The following POU2AF2 variants were observed in gnomAD, a reference collection of about 807,000 sequenced individuals.
The protein encoded by POU2AF2 is POU domain class 2-associating factor 2.
At chr11:111,284,259 C>CCTA in the POU2AF2 span, 2 of 1,614,194 alleles carry the variant, frequency 1.2e-6, no homozygotes, top group Admixed American at 1.7e-5. Context: ...CCCCAGGAGC[C>CCTA]CTACGGAGAC....
the POU2AF2 span, among the ~76,000 whole-genome samples, chr11:111,283,868 C>T: frequency 6.6e-6 from 1 of 152,148 alleles, no homozygotes; most frequent in Non-Finnish European, 1.5e-5. Flanking sequence ...GAACTCACCC[C>T]TAAAGGCGAC....
At chr11:111,270,239 CA>C in the POU2AF2 span, among the ~76,000 whole-genome samples, 1 of 152,038 alleles carries the variant, frequency 6.6e-6, no homozygotes, top group Admixed American at 6.5e-5. Context: ...TAATGAATAC[CA>C]AAATTTGTTA....
the POU2AF2 span, chr11:111,283,995 C>T: frequency 2.3e-6 from 3 of 1,310,958 alleles, no homozygotes; most frequent in Non-Finnish European, 1.1e-6. Flanking sequence ...CATCGTTTCC[C>T]AGGCAGAGAC....
At chr11:111,278,879 T>C in the POU2AF2 span, among the ~76,000 whole-genome samples, 1 of 152,198 alleles carries the variant, frequency 6.6e-6, no homozygotes, top group South Asian at 2.1e-4. Context: ...AAAGAAGAAA[T>C]GGGTTTCCTC....
At chr11:111,247,203 G>GAGAGAGAGAGAGAA in the POU2AF2 span, among the ~76,000 whole-genome samples, 1 of 151,918 alleles carries the variant, frequency 6.6e-6, no homozygotes, top group African/African-American at 2.4e-5. Flanking sequence ...GAGAGAGAGA[G>GAGAGAGAGAGAGAA]AGAGAGAGAG....
the POU2AF2 span, chr11:111,281,506 T>C: frequency 6.4e-7 from 1 of 1,550,770 alleles, no homozygotes. Flanking sequence ...TGGGCTTCCA[T>C]TCTTTCATAA....
the POU2AF2 span, among the ~76,000 whole-genome samples, chr11:111,271,196 G>A: frequency 0.26 from 40,164 of 151,814 alleles, 5,629 homozygotes; most frequent in Admixed American, 0.34. Flanking sequence ...GGTGGCAGAT[G>A]CCTGTAATTC....
the POU2AF2 span, among the ~76,000 whole-genome samples, chr11:111,265,880 A>AG: frequency 6.6e-6 from 1 of 151,474 alleles, no homozygotes; most frequent in Admixed American, 6.6e-5. Context: ...TAAATTAAAA[A>AG]AAAAAAAGTG....
At chr11:111,278,512 G>C in the POU2AF2 span, among the ~76,000 whole-genome samples, 1 of 152,126 alleles carries the variant, frequency 6.6e-6, no homozygotes, top group East Asian at 1.9e-4. Context: ...AATGGGATTA[G>C]TGTCCTTATA....
the POU2AF2 span, among the ~76,000 whole-genome samples, chr11:111,258,715 C>A: frequency 1.7e-4 from 26 of 152,130 alleles, no homozygotes; most frequent in Non-Finnish European, 5.9e-5. Context: ...CTGGACCTGT[C>A]CCATGTCTAC....
At chr11:111,246,033 G>T in the POU2AF2 span, among the ~76,000 whole-genome samples, 1 of 151,982 alleles carries the variant, frequency 6.6e-6, no homozygotes, top group African/African-American at 2.4e-5. Flanking sequence ...TAGAACTCTT[G>T]GTAACATTTT....
At chr11:111,279,518 C>T in the POU2AF2 span, among the ~76,000 whole-genome samples, 1 of 152,168 alleles carries the variant, frequency 6.6e-6, no homozygotes, top group Non-Finnish European at 1.5e-5. Flanking sequence ...TGGTGATCCT[C>T]GATGTTCCTT....
the POU2AF2 span, chr11:111,286,240 T>C: frequency 1.6e-6 from 1 of 623,396 alleles, no homozygotes; most frequent in Non-Finnish European, 2.6e-6. Context: ...AAACAGAATG[T>C]TAATTAAATG....
chr11:111,261,213 T>A, the POU2AF2 span, among the ~76,000 whole-genome samples: 26 of 152,032 alleles, frequency 1.7e-4, no homozygotes, highest in African/African-American at 4.6e-4. Flanking sequence ...CTAGATCTTC[T>A]ACCAAGATAT....
At chr11:111,268,366 G>A in the POU2AF2 span, among the ~76,000 whole-genome samples, 6 of 152,056 alleles carry the variant, frequency 3.9e-5, no homozygotes, top group East Asian at 1.9e-4. Flanking sequence ...AACCTGAACC[G>A]ACCCTACAAC....
the POU2AF2 span, among the ~76,000 whole-genome samples, chr11:111,282,086 C>T: frequency 2.0e-5 from 3 of 152,120 alleles, no homozygotes; most frequent in South Asian, 2.1e-4. Context: ...AATTTGGTGG[C>T]ATCTCCTGCC....
At chr11:111,264,629 GAAA>G in the POU2AF2 span, among the ~76,000 whole-genome samples, 1 of 31,764 alleles carries the variant, frequency 3.1e-5, no homozygotes, top group Non-Finnish European at 7.5e-5. Flanking sequence ...AGAGAAGAAA[GAAA>G]GAGAAAGAAA....
the POU2AF2 span, among the ~76,000 whole-genome samples, chr11:111,269,612 G>A: frequency 5.9e-5 from 9 of 152,154 alleles, no homozygotes; most frequent in East Asian, 5.8e-4. Flanking sequence ...CGGAACAGCC[G>A]TGGCAAGTCC....
At chr11:111,248,833 A>T in the POU2AF2 span, among the ~76,000 whole-genome samples, 1 of 152,240 alleles carries the variant, frequency 6.6e-6, no homozygotes, top group Non-Finnish European at 1.5e-5. Flanking sequence ...TAATAACTAA[A>T]ACAGTTTAAA....
Sources: gnomAD v4.1 joint callset for allele counts (sites outside exome capture counted in the v4.1 genomes callset) on GRCh38, gnomAD v4.1.1 for gene constraint, MANE v1.5 for transcripts, NCBI Gene and HGNC (gene_info 2026-07-23, HGNC 2026-07-21) for gene names.